The following GALNT14 variants were observed in gnomAD, a reference collection of about 807,000 sequenced individuals.
The protein encoded by GALNT14 is UDP-GalNAc:polypeptide N-acetylgalactosaminyltransferase 14.
GALNT14 carries 60 observed loss-of-function variants against 77.5 expected under a neutral mutation model. The observed-to-expected ratio is 0.77, with a 90% CI of 0.63 to 0.96. The LOEUF is 0.96. Among genes scored for constraint, GALNT14 ranks in the 40% least tolerant of loss-of-function variants. GALNT14 has a pLI of 0.00. For synonymous variants in GALNT14, 280 were observed against 281.7 expected (o/e 0.99, Z 0.06); for missense variants, 710 against 731.0 (o/e 0.97, Z 0.33).
rs766698836 is a variant in GALNT14 at position 30,942,208 on chromosome 2, CT to C, written c.923del (p.Glu308GlyfsTer16). ...YDMDMDIWGG[E>X]NFEISFRVWM... ...GCAGAGGCAGGGACTCACCAAAGTT[CT>C]CCCCACCCCAGATGTCCATGTCCAT... On this transcript the variant is annotated frameshift_variant, in exon 9 of 15. Transcript: ENST00000349752. LOFTEE classifies it high-confidence loss of function. The C allele has an allele frequency of 1.1e-5, 18 of 1,612,836 alleles. No homozygotes were observed. Among genetic ancestry groups the C allele is most frequent in the Non-Finnish European group, 1.5e-5 (18 of 1,178,846 alleles).
At chr2:31,067,941 G>A (rs538236412) in intron 1 of GALNT14, among the ~76,000 whole-genome samples, 6 of 152,182 alleles carry the variant, frequency 3.9e-5, no homozygotes, top group South Asian at 2.1e-4. Flanking sequence ...TGGGGACTTG[G>A]GCCCCTCATT....
intron 1 of GALNT14, among the ~76,000 whole-genome samples, chr2:30,999,054 A>G (rs1226377638): frequency 6.6e-6 from 1 of 152,234 alleles, no homozygotes; most frequent in South Asian, 2.1e-4. Flanking sequence ...GGTATTCTGC[A>G]GCTGGATTCC....
the GALNT14 span, among the ~76,000 whole-genome samples, chr2:30,903,485 C>A: frequency 1.3e-5 from 2 of 152,204 alleles, no homozygotes; most frequent in African/African-American, 2.4e-5. Context: ...GGCTTACTTG[C>A]CTGGGTGAAG....
At chr2:31,128,584 C>T (rs1678813996) in intron 1 of GALNT14, among the ~76,000 whole-genome samples, 1 of 152,228 alleles carries the variant, frequency 6.6e-6, no homozygotes, top group Non-Finnish European at 1.5e-5. Flanking sequence ...TAACTTGGAG[C>T]AGCCTAGGAA....
intron 1 of GALNT14, among the ~76,000 whole-genome samples, chr2:31,086,690 T>C (rs1332909968): frequency 6.6e-6 from 1 of 152,136 alleles, no homozygotes; most frequent in East Asian, 1.9e-4. Context: ...AACCCCATCA[T>C]TTGAAAAGTA....
intron 1 of GALNT14, among the ~76,000 whole-genome samples, chr2:31,000,144 C>T (rs1051469760): frequency 6.6e-6 from 1 of 152,074 alleles, no homozygotes; most frequent in Non-Finnish European, 1.5e-5. Flanking sequence ...CTCACCCAAG[C>T]GGCTGTTTGA....
chr2:31,052,111 C>T lies in GALNT14; in HGVS notation c.130-59104G>A, dbSNP rs114844691. 4.8e-3 allele frequency among the ~76,000 whole-genome samples: 734 copies of T among 152,218 alleles called. 1 individual carries two copies. Among genetic ancestry groups the T allele is most frequent in the Non-Finnish European group, 7.5e-3 (513 of 68,020 alleles). On this transcript the variant is annotated intron_variant, in intron 1 of 14. Coordinates refer to ENST00000349752, the MANE Select transcript of GALNT14 (RefSeq NM_024572.4). The stretch of plus-strand genomic sequence containing the variant: ...CATCCTGCTGGAAGAGGCTGATAAT[C>T]CTGAGGCATCCCTTCACCTGAATGT...
At chr2:31,016,301 G>A (rs1671352126) in intron 1 of GALNT14, among the ~76,000 whole-genome samples, 1 of 152,012 alleles carries the variant, frequency 6.6e-6, no homozygotes, top group Admixed American at 6.5e-5. Context: ...TTCTTGTAAG[G>A]ACACCAATCA....
intron 9 of GALNT14, among the ~76,000 whole-genome samples, chr2:30,941,427 A>T (rs1035658579): frequency 4.6e-5 from 7 of 152,222 alleles, no homozygotes; most frequent in African/African-American, 1.4e-4. Context: ...CCAAGATTTT[A>T]CACATTTACT....
At position 30,949,373 on chromosome 2, in the gene GALNT14, T is replaced by A. The variant is rs535357546; in HGVS notation, c.655-3503A>T. Among the ~76,000 whole-genome samples, 280 of 152,170 alleles carry A rather than the reference T, an allele frequency of 1.8e-3. 1 individual carries two copies. The highest frequency in any genetic ancestry group is 3.4e-3 in the Middle Eastern group (1 of 294). On this transcript the variant is annotated intron_variant, in intron 6 of 14. Transcript: ENST00000349752. Reference sequence around the variant, plus strand: ...GCTTCTCCTCCTGTAGGCTAGGGGATGGAGGGACTCTCAATTAAAGCACCG... The same window carrying A: ...GCTTCTCCTCCTGTAGGCTAGGGGAAGGAGGGACTCTCAATTAAAGCACCG...
intron 1 of GALNT14, chr2:31,073,292 A>G (rs1675537241): frequency 6.6e-6 from 1 of 152,246 alleles, no homozygotes; most frequent in African/African-American, 2.4e-5. Flanking sequence ...CATGTTAGTT[A>G]TAGACATGAG....
chr2:30,986,657 A>C (rs1168812208), intron 2 of GALNT14, among the ~76,000 whole-genome samples: 3 of 152,226 alleles, frequency 2.0e-5, no homozygotes, highest in African/African-American at 7.2e-5. Context: ...CTTTTGCACC[A>C]ACCTAACATA....
chr2:31,017,513 T>A (rs1290015976), intron 1 of GALNT14, among the ~76,000 whole-genome samples: 2 of 152,190 alleles, frequency 1.3e-5, no homozygotes, highest in African/African-American at 4.8e-5. Context: ...GGTTCTTAGA[T>A]AGATTAATGA....
intron 1 of GALNT14, among the ~76,000 whole-genome samples, chr2:31,022,474 T>C (rs1671779797): frequency 6.6e-6 from 1 of 152,150 alleles, no homozygotes; most frequent in Non-Finnish European, 1.5e-5. Context: ...AGGCCTTTTT[T>C]TCCCCCAACA....
At chr2:31,111,995 C>CTTTTTTTTTTTTTTTTTTT (rs398080139) in intron 1 of GALNT14, among the ~76,000 whole-genome samples, 1 of 134,120 alleles carries the variant, frequency 7.5e-6, no homozygotes, top group African/African-American at 3.0e-5. Context: ...TGTGTACTTG[C>CTTTTTTTTTTTTTTTTTTT]TTTTTTTTTT....
intron 9 of GALNT14, 62 bp downstream of exon 9, chr2:30,942,139 C>T (rs1337537027): frequency 3.2e-6 from 4 of 1,231,322 alleles, no homozygotes; most frequent in Non-Finnish European, 4.7e-6. Context: ...CACAGAGGTC[C>T]CCGCCCCAAT....
chr2:30,932,562 C>A (rs1665804403), intron 9 of GALNT14, among the ~76,000 whole-genome samples: 1 of 152,208 alleles, frequency 6.6e-6, no homozygotes, highest in Non-Finnish European at 1.5e-5. Context: ...TTGTGGAAGT[C>A]TGGTTAGATG....
intron 1 of GALNT14, among the ~76,000 whole-genome samples, chr2:31,017,014 A>T (rs536694365): frequency 6.6e-6 from 1 of 152,320 alleles, no homozygotes; most frequent in East Asian, 1.9e-4. Flanking sequence ...CTGCAAGGCA[A>T]ATAATGTGAT....
At chr2:31,057,520 C>A (rs57187063) in intron 1 of GALNT14, among the ~76,000 whole-genome samples, 53,640 of 150,220 alleles carry the variant, frequency 0.36, 10,422 homozygotes, top group African/African-American at 0.51. Flanking sequence ...TTGGCAGCTA[C>A]GGCACCAGGC....
Sources: gnomAD v4.1 joint callset for allele counts (sites outside exome capture counted in the v4.1 genomes callset) on GRCh38, gnomAD v4.1.1 for gene constraint, MANE v1.5 for transcripts, NCBI Gene and HGNC (gene_info 2026-07-23, HGNC 2026-07-21) for gene names.